ALCAM: variants seen among roughly 807,000 people sequenced by gnomAD.
ALCAM encodes activated leukocyte cell adhesion molecule.
Under a neutral mutation model 70.9 loss-of-function variants are expected in ALCAM, and 30 were observed. That is an observed-to-expected ratio of 0.42 (90% CI 0.32 to 0.57). ALCAM has a LOEUF of 0.57. Among genes scored for constraint, ALCAM ranks in the 20% least tolerant of loss-of-function variants. The pLI, the probability that ALCAM is intolerant of heterozygous loss-of-function variation, is 0.11. For missense variants in ALCAM, 591 were observed against 695.1 expected, an observed-to-expected ratio of 0.85 and a Z score of 1.68; for synonymous variants, 249 against 242.5, an observed-to-expected ratio of 1.03 and a Z score of -0.25.
intron 6 of ALCAM, among the ~76,000 whole-genome samples, chr3:105,538,089 A>G (rs189196820): frequency 7.3e-4 from 111 of 152,234 alleles, no homozygotes; most frequent in Non-Finnish European, 9.7e-4. Context: ...TTTGAGTATC[A>G]TTGTAATATT....
Position 105,411,781 on chromosome 3 carries a change from A to C in ALCAM, c.73+44300A>C, listed in dbSNP as rs201632099. Reference sequence around the variant, plus strand: ...AACAGAAATCCTCAGGTGACTAGGCACCTGCTGCCATAGATAGCTTCTGAT... The same window carrying C: ...AACAGAAATCCTCAGGTGACTAGGCCCCTGCTGCCATAGATAGCTTCTGAT... On this transcript the variant is annotated intron_variant, in intron 1 of 15. Coordinates refer to ENST00000306107, the MANE Select transcript of ALCAM (RefSeq NM_001627.4). Among the ~76,000 whole-genome samples the C allele has an allele frequency of 4.1e-4, 62 of 152,178 alleles. No individual in the cohort carries two copies. The East Asian group carries it at 0.011, about 28-fold the overall frequency.
chr3:105,547,473 A>G lies in ALCAM; in HGVS notation c.1324A>G (p.Lys442Glu). Residue 442 changes from lysine to glutamate, a missense_variant, in exon 11 of 16, where the codon AAG (lysine) becomes GAG (glutamate). Physicochemically the swap from Lys to Glu is moderately conservative, Grantham distance 56. This residue lies in a region of ALCAM where 164 missense variants were observed against 244.7 expected (regional missense o/e 0.67). Coordinates refer to ENST00000306107, the MANE Select transcript of ALCAM (RefSeq NM_001627.4). Reference sequence around the variant, plus strand: ...AATCTGCCATGTGGAAGGTTTTCCAAAGCCAGCCATTCAATGGACAATTAC... The same window carrying G: ...AATCTGCCATGTGGAAGGTTTTCCAGAGCCAGCCATTCAATGGACAATTAC... ...TIICHVEGFP[K>E]PAIQWTITGS... 1 of 1,610,676 alleles carries G rather than the reference A, an allele frequency of 6.2e-7. No individual in the cohort carries two copies. The highest frequency in any genetic ancestry group is 8.5e-7 in the Non-Finnish European group (1 of 1,177,732).
chr3:105,390,308 A>G (rs896266392), intron 1 of ALCAM, among the ~76,000 whole-genome samples: 1 of 152,122 alleles, frequency 6.6e-6, no homozygotes, highest in Non-Finnish European at 1.5e-5. Context: ...ATGAAATGGT[A>G]TCTCATTGTG....
At chr3:105,477,026 C>T (rs1344912185) in intron 1 of ALCAM, among the ~76,000 whole-genome samples, 11 of 152,000 alleles carry the variant, frequency 7.2e-5, no homozygotes, top group Non-Finnish European at 4.4e-5. Context: ...TTTCCTCTTG[C>T]CACCACCGTG....
chr3:105,477,522 T>C (rs1372358580), intron 1 of ALCAM, among the ~76,000 whole-genome samples: 5 of 152,140 alleles, frequency 3.3e-5, no homozygotes, highest in African/African-American at 1.2e-4. Context: ...CCCATTTTAA[T>C]ATTTTCTGTC....
intron 1 of ALCAM, among the ~76,000 whole-genome samples, chr3:105,401,483 C>T (rs1438652583): frequency 3.3e-5 from 5 of 152,148 alleles, no homozygotes; most frequent in Non-Finnish European, 7.4e-5. Flanking sequence ...CATGGTTGCT[C>T]TCAGTGCGGT....
chr3:105,571,711 C>CA (rs1940864482), intron 14 of ALCAM, 141 bp from the exon 15 acceptor site: 3 of 605,302 alleles, frequency 5.0e-6, no homozygotes, highest in Non-Finnish European at 8.6e-6. Flanking sequence ...AGTCAAGGCT[C>CA]ACAGATATGG....
At chr3:105,432,425 T>C (rs780225932) in intron 1 of ALCAM, among the ~76,000 whole-genome samples, 11 of 152,172 alleles carry the variant, frequency 7.2e-5, no homozygotes, top group Non-Finnish European at 1.3e-4. Flanking sequence ...ACACTTCCCA[T>C]AGAAAACTGC....
chr3:105,527,298 A>C (rs1939729033), intron 3 of ALCAM, among the ~76,000 whole-genome samples: 1 of 152,174 alleles, frequency 6.6e-6, no homozygotes, highest in African/African-American at 2.4e-5. Flanking sequence ...CCAGAGAGCC[A>C]GAAGGCTGTT....
chr3:105,441,182 A>G (rs997952118), intron 1 of ALCAM, among the ~76,000 whole-genome samples: 1 of 152,126 alleles, frequency 6.6e-6, no homozygotes, highest in Non-Finnish European at 1.5e-5. Flanking sequence ...AAAAGGAAAT[A>G]TGAAAGTTCT....
intron 1 of ALCAM, among the ~76,000 whole-genome samples, chr3:105,406,098 C>A (rs981986422): frequency 2.0e-5 from 3 of 152,166 alleles, no homozygotes; most frequent in African/African-American, 7.2e-5. Context: ...ACACAGTGAT[C>A]AACTTCTTTT....
intron 1 of ALCAM, among the ~76,000 whole-genome samples, chr3:105,436,646 C>T (rs761849913): frequency 2.1e-4 from 32 of 152,278 alleles, no homozygotes; most frequent in Admixed American, 5.9e-4. Flanking sequence ...ATAGTTCTAG[C>T]AAAAGTTCTT....
intron 14 of ALCAM, among the ~76,000 whole-genome samples, chr3:105,570,057 A>C (rs1940829470): frequency 1.3e-5 from 2 of 152,162 alleles, no homozygotes; most frequent in African/African-American, 4.8e-5. Flanking sequence ...TAGCTGATAG[A>C]AAATAACATT....
At chr3:105,462,823 A>G (rs1314858176) in intron 1 of ALCAM, among the ~76,000 whole-genome samples, 2 of 151,474 alleles carry the variant, frequency 1.3e-5, no homozygotes, top group Admixed American at 6.6e-5. Flanking sequence ...CTTTCATTGC[A>G]TAGTGACATT....
chr3:105,465,355 G>T (rs1277106701), intron 1 of ALCAM, among the ~76,000 whole-genome samples: 2 of 151,474 alleles, frequency 1.3e-5, no homozygotes, highest in Non-Finnish European at 3.0e-5. Context: ...AGGTTCAGAA[G>T]AATCAGAAGA....
intron 6 of ALCAM, among the ~76,000 whole-genome samples, chr3:105,539,499 G>A (rs978723625): frequency 2.0e-5 from 3 of 151,922 alleles, no homozygotes; most frequent in Non-Finnish European, 4.4e-5. Flanking sequence ...CGAAATCCTC[G>A]CTGGTGTTGT....
chr3:105,522,538 A>T lies in ALCAM; in HGVS notation c.175-1751A>T, dbSNP rs1355725726. On this transcript the variant is annotated intron_variant, in intron 2 of 15. Transcript: ENST00000306107. ...TGATTTCTCCTGGATCATATTGTAAACTCCCTGTGAATGGAGATTACAGCT... is the reference window on the plus strand; with the variant it reads ...TGATTTCTCCTGGATCATATTGTAATCTCCCTGTGAATGGAGATTACAGCT... Among the ~76,000 whole-genome samples the T allele has an allele frequency of 3.3e-5, 5 of 151,946 alleles. No homozygotes were observed. The East Asian group carries it at 7.7e-4, about 24-fold the overall frequency.
At chr3:105,550,918 G>A (rs560759871) in intron 12 of ALCAM, among the ~76,000 whole-genome samples, 1 of 151,680 alleles carries the variant, frequency 6.6e-6, no homozygotes, top group East Asian at 1.9e-4. Flanking sequence ...GAAAACAATT[G>A]TCATTTAATG....
intron 1 of ALCAM, among the ~76,000 whole-genome samples, chr3:105,505,307 C>T (rs1193565489): frequency 6.6e-6 from 1 of 152,026 alleles, no homozygotes; most frequent in Non-Finnish European, 1.5e-5. Context: ...GCAATCGTGG[C>T]GGAAGGTGAA....
Sources: gnomAD v4.1 joint callset for allele counts (sites outside exome capture counted in the v4.1 genomes callset) on GRCh38, gnomAD v4.1.1 for gene constraint, gnomAD v4.1.1 regional missense constraint, MANE v1.5 for transcripts, NCBI Gene and HGNC (gene_info 2026-07-23, HGNC 2026-07-21) for gene names.